Variants in SDK1 observed in about 807,000 individuals in gnomAD.
SDK1 encodes the protein sidekick cell adhesion molecule 1.
In SDK1, 157 loss-of-function variants were observed where a neutral mutation model predicts 245.5. The ratio of observed to expected loss-of-function variants is 0.64; its 90% CI spans 0.56 to 0.73. SDK1 has a LOEUF of 0.73. SDK1 is among the 30% of genes least tolerant of loss of function. The pLI is 0.00. For synonymous variants in SDK1, 1,647 were observed against 1,278.5 expected (o/e 1.29, Z -6.15); for missense variants, 3,583 against 3,002.3 (o/e 1.19, Z -4.52).
intron 4 of SDK1, among the ~76,000 whole-genome samples, chr7:3,722,634 A>G (rs957321619): frequency 2.0e-5 from 3 of 152,248 alleles, no homozygotes; most frequent in Admixed American, 6.5e-5. Flanking sequence ...CGGGGTGCTT[A>G]TAAAGCGCTG....
intron 25 of SDK1, among the ~76,000 whole-genome samples, chr7:4,126,694 T>G (rs1784409972): frequency 1.3e-5 from 2 of 152,244 alleles, no homozygotes; most frequent in African/African-American, 4.8e-5. Flanking sequence ...CTCTCCAGTC[T>G]GAAATAAAGA....
At chr7:3,800,988 C>T (rs941543630) in intron 4 of SDK1, among the ~76,000 whole-genome samples, 10 of 152,164 alleles carry the variant, frequency 6.6e-5, no homozygotes, top group African/African-American at 2.4e-4. Flanking sequence ...CCTTCCCACC[C>T]TAACAGAAAT....
At chr7:3,616,273 C>G (rs1781768365) in intron 1 of SDK1, among the ~76,000 whole-genome samples, 1 of 152,174 alleles carries the variant, frequency 6.6e-6, no homozygotes, top group Non-Finnish European at 1.5e-5. Context: ...AGGGTGATCA[C>G]ACACGTTGTT....
chr7:4,143,837 C>G (rs989786377), intron 28 of SDK1, among the ~76,000 whole-genome samples: 1 of 152,218 alleles, frequency 6.6e-6, no homozygotes, highest in Non-Finnish European at 1.5e-5. Context: ...ACAGCCTCGT[C>G]CTCATCCTTG....
intron 1 of SDK1, among the ~76,000 whole-genome samples, chr7:3,355,285 A>G (rs1170860051): frequency 6.6e-6 from 1 of 152,232 alleles, no homozygotes; most frequent in African/African-American, 2.4e-5. Context: ...TATCCACTGA[A>G]GAAAATTGTG....
intron 4 of SDK1, among the ~76,000 whole-genome samples, chr7:3,739,255 G>A (rs754261902): frequency 6.6e-6 from 1 of 152,120 alleles, no homozygotes; most frequent in Non-Finnish European, 1.5e-5. Flanking sequence ...TTACTTTTAT[G>A]TAGCTGGGTG....
At chr7:3,418,145 GAA>G (rs200914826) in intron 1 of SDK1, among the ~76,000 whole-genome samples, 389 of 119,674 alleles carry the variant, frequency 3.3e-3, no homozygotes, top group African/African-American at 4.6e-3. Flanking sequence ...TACTAAAAAT[GAA>G]AAAAAAAAAA....
rs369914567 is a variant in SDK1, at chr7:4,268,615, G to T, written c.*3231G>T. ...TGTATCTAACTGTGACTGGGCTGAA[G>T]CATGATGTTTGCCTAATGGTTCGTA... On this transcript the variant is annotated 3_prime_UTR_variant, in exon 45 of 45. Coordinates refer to ENST00000404826, the MANE Select transcript of SDK1 (RefSeq NM_152744.4). 112 of 1,367,034 alleles carry T rather than the reference G, an allele frequency of 8.2e-5. No homozygotes were observed. The highest frequency in any genetic ancestry group is 6.3e-4 in the Middle Eastern group (3 of 4,762). 84.7% of individuals were successfully genotyped at this position (1,367,034 alleles called of 1,614,324 possible).
chr7:3,930,582 A>G (rs1018531889), intron 5 of SDK1, among the ~76,000 whole-genome samples: 3 of 152,238 alleles, frequency 2.0e-5, no homozygotes, highest in African/African-American at 7.2e-5. Flanking sequence ...CCTGGCATCA[A>G]ATTAAGCTAA....
intron 5 of SDK1, among the ~76,000 whole-genome samples, chr7:3,890,840 G>T (rs557020112): frequency 1.3e-5 from 2 of 152,178 alleles, no homozygotes; most frequent in Non-Finnish European, 2.9e-5. Flanking sequence ...TACTTGGGAG[G>T]TTGAGGCAGG....
intron 14 of SDK1, among the ~76,000 whole-genome samples, chr7:3,988,036 A>G (rs945135218): frequency 6.6e-6 from 1 of 151,782 alleles, no homozygotes; most frequent in Non-Finnish European, 1.5e-5. Flanking sequence ...CCAGGATTCC[A>G]GGATCACTTA....
chr7:4,051,620 C>T lies in SDK1; in HGVS notation c.2719-18C>T. ...GCCATTGAAAACAGGCTGTCTTTTTCACCCTGTTCCATCTCAGCTTCTGGC... is the reference window on the plus strand; with the variant it reads ...GCCATTGAAAACAGGCTGTCTTTTTTACCCTGTTCCATCTCAGCTTCTGGC... On this transcript the variant is annotated intron_variant, in intron 18 of 44. Coordinates refer to ENST00000404826, the MANE Select transcript of SDK1 (RefSeq NM_152744.4). The T allele has an allele frequency of 6.2e-7, 1 of 1,600,804 alleles. No individual in the cohort carries two copies. Among genetic ancestry groups the T allele is most frequent in the East Asian group, 2.3e-5 (1 of 43,848 alleles).
At chr7:3,720,622 T>C (rs1245425568) in intron 4 of SDK1, among the ~76,000 whole-genome samples, 3 of 152,184 alleles carry the variant, frequency 2.0e-5, no homozygotes, top group Non-Finnish European at 4.4e-5. Flanking sequence ...CACTCATATA[T>C]TGTTAGTGGG....
At chr7:4,015,944 G>C (rs1251583403) in intron 16 of SDK1, among the ~76,000 whole-genome samples, 1 of 152,246 alleles carries the variant, frequency 6.6e-6, no homozygotes, top group Non-Finnish European at 1.5e-5. Flanking sequence ...GAAGAACCTT[G>C]TGTGACCATT....
At chr7:3,769,443 C>A (rs1780345112) in intron 4 of SDK1, among the ~76,000 whole-genome samples, 1 of 152,152 alleles carries the variant, frequency 6.6e-6, no homozygotes, top group South Asian at 2.1e-4. Context: ...ACCCTTTAAT[C>A]CATCCACTCA....
intron 22 of SDK1, among the ~76,000 whole-genome samples, chr7:4,101,943 G>T (rs927093647): frequency 6.6e-6 from 1 of 152,154 alleles, no homozygotes; most frequent in African/African-American, 2.4e-5. Context: ...CAAGCATGGA[G>T]CTCAGGATCA....
intron 35 of SDK1, among the ~76,000 whole-genome samples, chr7:4,194,344 A>C (rs1480825268): frequency 8.5e-6 from 1 of 117,168 alleles, no homozygotes; most frequent in Non-Finnish European, 1.8e-5. Flanking sequence ...GTATACATGT[A>C]TAGATATATG....
At chr7:3,673,112 C>T (rs55906803) in intron 4 of SDK1, among the ~76,000 whole-genome samples, 47,504 of 151,848 alleles carry the variant, frequency 0.31, 7,801 homozygotes, top group East Asian at 0.39. Context: ...TGTAAGGCAG[C>T]GGTTCCTCAA....
chr7:3,447,642 T>C (rs568501355), intron 1 of SDK1, among the ~76,000 whole-genome samples: 1 of 152,018 alleles, frequency 6.6e-6, no homozygotes, highest in East Asian at 1.9e-4. Flanking sequence ...TCCTGTGAGG[T>C]ATTGTTTTTT....
Sources: allele counts gnomAD v4.1 joint callset (sites outside exome capture counted in the v4.1 genomes callset), GRCh38; gene constraint gnomAD v4.1.1; transcripts MANE v1.5; gene names NCBI Gene and HGNC (gene_info 2026-07-23, HGNC 2026-07-21).